The following PRKAR1B variants were observed in gnomAD, a reference collection of about 807,000 sequenced individuals.
PRKAR1B encodes the protein protein kinase cAMP-dependent type I regulatory subunit beta.
A neutral mutation model predicts 46.5 loss-of-function variants in PRKAR1B; 22 were observed. The observed-to-expected ratio is 0.47, with a 90% CI of 0.34 to 0.68. The LOEUF (loss-of-function observed/expected upper bound fraction) is 0.68. Among genes scored for constraint, PRKAR1B ranks in the 30% least tolerant of loss-of-function variants. PRKAR1B has a pLI of 0.01. For missense variants in PRKAR1B, 445 were observed against 535.6 expected (o/e 0.83, Z 1.67); for synonymous variants, 259 against 217.7 (o/e 1.19, Z -1.67).
At chr7:611,916 C>T (rs1443736698) in intron 4 of PRKAR1B, among the ~76,000 whole-genome samples, 4 of 126,914 alleles carry the variant, frequency 3.2e-5, no homozygotes, top group South Asian at 5.2e-4. Context: ...AGTAGATCAA[C>T]GGATGGATGG....
intron 9 of PRKAR1B, among the ~76,000 whole-genome samples, chr7:553,397 C>T (rs948952252): frequency 7.2e-5 from 11 of 152,222 alleles, no homozygotes; most frequent in African/African-American, 2.4e-4. Flanking sequence ...CCCTAGTCCC[C>T]GGAGGCAGGG....
chr7:649,450 G>A (rs565998656), intron 4 of PRKAR1B, among the ~76,000 whole-genome samples: 17 of 152,276 alleles, frequency 1.1e-4, no homozygotes, highest in South Asian at 4.1e-4. Flanking sequence ...TTAACTAAAC[G>A]TTTATACATT....
At chr7:700,712 G>A (rs1275624219) in intron 2 of PRKAR1B, among the ~76,000 whole-genome samples, 3 of 151,846 alleles carry the variant, frequency 2.0e-5, no homozygotes, top group African/African-American at 7.3e-5. Flanking sequence ...AACAGGAGGA[G>A]GAGTAGGAAG....
chr7:709,379 T>C (rs1780504776), intron 2 of PRKAR1B, among the ~76,000 whole-genome samples: 1 of 146,726 alleles, frequency 6.8e-6, no homozygotes, highest in Admixed American at 6.7e-5. Context: ...TTCTTTTTTT[T>C]TTTTTTTTTT....
At chr7:649,979 A>G (rs1784816200) in intron 4 of PRKAR1B, among the ~76,000 whole-genome samples, 2 of 135,278 alleles carry the variant, frequency 1.5e-5, no homozygotes, top group Non-Finnish European at 3.2e-5. Flanking sequence ...GGCCCAGCTA[A>G]TTTTTTTTTT....
chr7:698,047 G>C (rs1278655115), intron 2 of PRKAR1B, among the ~76,000 whole-genome samples: 4 of 67,914 alleles, frequency 5.9e-5, no homozygotes, highest in African/African-American at 2.5e-4. Context: ...GGGGAGGGAA[G>C]GGAAGGGAAG....
intron 4 of PRKAR1B, among the ~76,000 whole-genome samples, chr7:654,754 T>C (rs1006634031): frequency 6.7e-6 from 1 of 149,498 alleles, no homozygotes; most frequent in East Asian, 2.0e-4. Context: ...TCACCACCAT[T>C]CTTATCACCT....
chr7:570,300 T>C (rs1345141062), intron 9 of PRKAR1B, among the ~76,000 whole-genome samples: 1 of 152,206 alleles, frequency 6.6e-6, no homozygotes, highest in African/African-American at 2.4e-5. Flanking sequence ...CACTTCTCAC[T>C]TGGCTCTCAG....
chr7:688,518 T>C (rs762653348), intron 2 of PRKAR1B, among the ~76,000 whole-genome samples: 51 of 152,198 alleles, frequency 3.4e-4, no homozygotes, highest in Admixed American at 9.8e-4. Flanking sequence ...AGGCCCTGCG[T>C]GATCTGCCCT....
At chr7:621,423 T>C (rs141449119) in intron 4 of PRKAR1B, among the ~76,000 whole-genome samples, 4,782 of 152,286 alleles carry the variant, frequency 0.031, 118 homozygotes, top group Non-Finnish European at 0.05. Context: ...TGGCTTTCCT[T>C]TGAAAAAAGA....
rs555410267 is a variant in PRKAR1B, at chr7:658,023, G to A, written c.440+19206C>T. Among the ~76,000 whole-genome samples the A allele has an allele frequency of 2.0e-5, 3 of 152,226 alleles. No homozygotes were observed. In the South Asian group the frequency reaches 6.2e-4, roughly 32 times the overall value. ...TGCAAACCCGACAAGCAAGGCCCAC[G>A]TCAGAAACACAGGCCGAGACAGCAG... is the stretch of plus-strand genomic sequence containing the variant. On this transcript the variant is annotated intron_variant, in intron 4 of 10. Transcript: ENST00000537384.
At chr7:653,978 T>C (rs574703191) in intron 4 of PRKAR1B, among the ~76,000 whole-genome samples, 2 of 148,628 alleles carry the variant, frequency 1.3e-5, no homozygotes, top group South Asian at 2.2e-4. Flanking sequence ...CCCTTCATGA[T>C]CATCATCATT....
chr7:564,760 C>T lies in PRKAR1B; in HGVS notation c.892-13290G>A, dbSNP rs75460173. Among the ~76,000 whole-genome samples the T allele has an allele frequency of 0.012, 1,900 of 152,316 alleles. 61 individuals are homozygous for T. The East Asian group carries it at 0.14, about 11-fold the overall frequency. On this transcript the variant is annotated intron_variant, in intron 9 of 10. Transcript: ENST00000537384. ...ATCGGCCGGCCAGGACCAACAGGCCCAGGGCCCAGGGCACTGGCCCCCAAA... is the reference window on the plus strand; with the variant it reads ...ATCGGCCGGCCAGGACCAACAGGCCTAGGGCCCAGGGCACTGGCCCCCAAA...
chr7:670,803 C>T (rs570673016), intron 4 of PRKAR1B, among the ~76,000 whole-genome samples: 37 of 149,068 alleles, frequency 2.5e-4, no homozygotes, highest in African/African-American at 8.4e-4. Flanking sequence ...AGACGGCCTC[C>T]GAGCTCTCCC....
intron 4 of PRKAR1B, among the ~76,000 whole-genome samples, chr7:673,900 G>A (rs1241332991): frequency 6.6e-6 from 1 of 152,180 alleles, no homozygotes; most frequent in Non-Finnish European, 1.5e-5. Flanking sequence ...GCCCCTCCTC[G>A]CCTCTTCAGG....
intron 8 of PRKAR1B, among the ~76,000 whole-genome samples, chr7:582,984 A>G (rs910550041): frequency 6.6e-6 from 1 of 152,210 alleles, no homozygotes; most frequent in Admixed American, 6.5e-5. Flanking sequence ...CACACAGGTG[A>G]TTCCATTCCC....
intron 4 of PRKAR1B, among the ~76,000 whole-genome samples, chr7:624,693 T>C (rs1167081622): frequency 6.6e-6 from 1 of 152,170 alleles, no homozygotes; most frequent in Non-Finnish European, 1.5e-5. Context: ...TATAGGCCTA[T>C]TAAATTTAAA....
At chr7:673,078 A>AAAAC (rs66654583) in intron 4 of PRKAR1B, among the ~76,000 whole-genome samples, 1 of 131,812 alleles carries the variant, frequency 7.6e-6, no homozygotes, top group East Asian at 2.1e-4. Context: ...AAAAAAAAAA[A>AAAAC]CACACACACA....
chr7:674,115 C>G (rs1786445607), intron 4 of PRKAR1B, among the ~76,000 whole-genome samples: 1 of 152,232 alleles, frequency 6.6e-6, no homozygotes, highest in African/African-American at 2.4e-5. Flanking sequence ...CTCTCTGCCA[C>G]TCAAGATGAC....
Sources: gnomAD v4.1 joint callset for allele counts (sites outside exome capture counted in the v4.1 genomes callset) on GRCh38, gnomAD v4.1.1 for gene constraint, MANE v1.5 for transcripts, NCBI Gene and HGNC (gene_info 2026-07-23, HGNC 2026-07-21) for gene names.